Variants in GAD2 observed in about 807,000 individuals in gnomAD.
GAD2 encodes glutamate decarboxylase 2.
GAD2 carries 22 observed loss-of-function variants against 80.1 expected under a neutral mutation model. That is an observed-to-expected ratio of 0.27 (90% CI 0.20 to 0.39). The LOEUF (loss-of-function observed/expected upper bound fraction) is 0.39. Among genes scored for constraint, GAD2 ranks in the 10% least tolerant of loss-of-function variants. The pLI is 1.00. For synonymous variants in GAD2, 274 were observed against 256.9 expected, an observed-to-expected ratio of 1.07 and a Z score of -0.64; for missense variants, 624 against 738.4, an observed-to-expected ratio of 0.85 and a Z score of 1.80.
chr10:26,279,167 G>A (rs1000242263), intron 11 of GAD2, among the ~76,000 whole-genome samples: 22 of 152,104 alleles, frequency 1.4e-4, no homozygotes, highest in Non-Finnish European at 5.9e-5. Flanking sequence ...CATTCACAGT[G>A]GGAGCAGTTG....
At chr10:26,280,826 A>G (rs8190748) in intron 11 of GAD2, among the ~76,000 whole-genome samples, 183 bp from the exon 12 acceptor site, 64,937 of 151,906 alleles carry the variant, frequency 0.43, 17,851 homozygotes, top group African/African-American at 0.79. Flanking sequence ...CGCACTATAT[A>G]CGTGTAATAA....
At chr10:26,300,758 G>A (rs773672971) in intron 15 of GAD2, 30 bp from the exon 16 acceptor site, 1 of 1,603,522 alleles carries the variant, frequency 6.2e-7, no homozygotes, top group East Asian at 2.2e-5. Context: ...CCAGGAGAAA[G>A]TCACCATGCT....
intron 12 of GAD2, among the ~76,000 whole-genome samples, chr10:26,283,141 C>G (rs946896203): frequency 6.6e-6 from 1 of 152,218 alleles, no homozygotes; most frequent in African/African-American, 2.4e-5. Flanking sequence ...TTGGAAGGAT[C>G]TACTGACTGG....
At chr10:26,293,172 CT>C (rs987030977) in intron 15 of GAD2, among the ~76,000 whole-genome samples, 181 bp downstream of exon 15, 1,416 of 96,434 alleles carry the variant, frequency 0.015, 9 homozygotes, top group African/African-American at 0.046. Flanking sequence ...CATTTTTCTT[CT>C]TTTTTTTTTT....
chr10:26,236,464 C>T (rs928503151), intron 7 of GAD2, among the ~76,000 whole-genome samples: 1 of 152,064 alleles, frequency 6.6e-6, no homozygotes, highest in Non-Finnish European at 1.5e-5. Flanking sequence ...CCACACCCGG[C>T]TAAGTTCTGT....
chr10:26,291,176 C>T (rs566740581), intron 13 of GAD2, among the ~76,000 whole-genome samples: 1 of 152,370 alleles, frequency 6.6e-6, no homozygotes, highest in East Asian at 1.9e-4. Context: ...TTAAACCCAA[C>T]TCCAGACTGG....
intron 11 of GAD2, among the ~76,000 whole-genome samples, chr10:26,277,826 T>C (rs1430173307): frequency 1.3e-5 from 2 of 152,032 alleles, no homozygotes; most frequent in East Asian, 3.9e-4. Context: ...ATCTAGAAGG[T>C]TGAGCAGTGG....
Position 26,245,680 on chromosome 10 carries a change from G to T in GAD2, c.841-241G>T, listed in dbSNP as rs113180693. On this transcript the variant is annotated intron_variant, in intron 7 of 15. Coordinates refer to ENST00000376261, the MANE Select transcript of GAD2 (RefSeq NM_001134366.2). ...GCTGGTCTCAAACTCCTGACCTTGTGATCTGCCTGCCTCGGCCTCCCAAAG... is the reference window on the plus strand; with the variant it reads ...GCTGGTCTCAAACTCCTGACCTTGTTATCTGCCTGCCTCGGCCTCCCAAAG... Among the ~76,000 whole-genome samples the T allele has an allele frequency of 1.4e-3, 206 of 152,100 alleles. 1 individual carries two copies. Among genetic ancestry groups the T allele is most frequent in the Middle Eastern group, 6.8e-3 (2 of 294 alleles).
At chr10:26,291,997 A>G (rs7068510) in intron 13 of GAD2, among the ~76,000 whole-genome samples, 14,851 of 151,960 alleles carry the variant, frequency 0.098, 2,399 homozygotes, top group African/African-American at 0.33. Flanking sequence ...CACCTACCCA[A>G]TTTTTTCTGT....
chr10:26,247,842 G>C (rs1206442551), intron 8 of GAD2, among the ~76,000 whole-genome samples: 1 of 140,798 alleles, frequency 7.1e-6, no homozygotes, highest in Non-Finnish European at 1.5e-5. Context: ...GTTGCAGTGA[G>C]CCGAGATCAT....
chr10:26,284,647 C>T (rs1485704701), intron 12 of GAD2, among the ~76,000 whole-genome samples: 1 of 145,384 alleles, frequency 6.9e-6, no homozygotes, highest in Non-Finnish European at 1.5e-5. Flanking sequence ...TCTTGGCTCA[C>T]TGCAACCTCC....
At chr10:26,284,782 G>T (rs371304185) in intron 12 of GAD2, among the ~76,000 whole-genome samples, 1 of 152,110 alleles carries the variant, frequency 6.6e-6, no homozygotes, top group East Asian at 1.9e-4. Flanking sequence ...TGTTAGCCAG[G>T]ATGGTTTCAA....
chr10:26,266,554 T>A (rs920616859), intron 8 of GAD2, among the ~76,000 whole-genome samples: 1 of 152,188 alleles, frequency 6.6e-6, no homozygotes, highest in Admixed American at 6.5e-5. Context: ...ACCTGCCATA[T>A]GTCAGGCTCT....
chr10:26,224,742 CCTCT>C, intron 6 of GAD2, 91 bp downstream of exon 6: 1 of 902,128 alleles, frequency 1.1e-6, no homozygotes, highest in Non-Finnish European at 1.8e-6. Flanking sequence ...CTAGCCTATG[CCTCT>C]GCTTAGGTTA....
At position 26,295,124 on chromosome 10, in the gene GAD2, G is replaced by T. The variant is rs138465554; in HGVS notation, c.1584+2133G>T. Among the ~76,000 whole-genome samples the T allele has an allele frequency of 2.6e-3, 397 of 152,154 alleles. 2 individuals are homozygous for T. Among genetic ancestry groups the T allele is most frequent in the African/African-American group, 9.2e-3 (380 of 41,508 alleles). On this transcript the variant is annotated intron_variant, in intron 15 of 15. Transcript: ENST00000376261. ...TTTCTGAACAAAAGTCAACTTGGAG[G>T]CTCCCCCTTTTAAATATCACTCTTC...
chr10:26,238,940 G>A (rs576154948), intron 7 of GAD2, among the ~76,000 whole-genome samples: 14 of 152,094 alleles, frequency 9.2e-5, no homozygotes, highest in Non-Finnish European at 1.5e-4. Context: ...AGGAGGATAC[G>A]GTGAGAACTG....
Position 26,247,895 on chromosome 10 carries a change from C to CAA in GAD2, c.920+1911_920+1912dup, listed in dbSNP as rs11407523. On this transcript the variant is annotated intron_variant, in intron 8 of 15. Coordinates refer to ENST00000376261, the MANE Select transcript of GAD2 (RefSeq NM_001134366.2). Reference sequence around the variant, plus strand: ...TGGGCAACAAAGCAAGACTCCATCTCAAAAAAAAAAAAAAAAAGGAAAAGA... The same window carrying CAA: ...TGGGCAACAAAGCAAGACTCCATCTCAAAAAAAAAAAAAAAAAAAGGAAAAGA... 1.2e-3 allele frequency among the ~76,000 whole-genome samples: 55 copies of CAA among 46,228 alleles called. 1 individual carries two copies. The highest frequency in any genetic ancestry group is 5.9e-3 in the South Asian group (7 of 1,184). 30.3% of individuals were successfully genotyped at this position (46,228 alleles called of 152,430 possible).
intron 13 of GAD2, among the ~76,000 whole-genome samples, chr10:26,290,851 C>G (rs991070516): frequency 6.6e-6 from 1 of 152,154 alleles, no homozygotes; most frequent in African/African-American, 2.4e-5. Context: ...GGATCTTAAT[C>G]CCATAAATAT....
intron 11 of GAD2, among the ~76,000 whole-genome samples, chr10:26,274,752 G>A (rs1032171078): frequency 4.6e-5 from 7 of 152,206 alleles, no homozygotes; most frequent in South Asian, 2.1e-4. Flanking sequence ...CAGAGAACCC[G>A]TGAGTGTGGA....
Sources: allele counts gnomAD v4.1 joint callset (sites outside exome capture counted in the v4.1 genomes callset), GRCh38; gene constraint gnomAD v4.1.1; transcripts MANE v1.5; gene names NCBI Gene and HGNC (gene_info 2026-07-23, HGNC 2026-07-21).